The following TCF7L2 variants were observed in gnomAD, a reference collection of about 807,000 sequenced individuals.
TCF7L2 encodes the protein transcription factor 7 like 2.
In TCF7L2, 23 loss-of-function variants were observed where a neutral mutation model predicts 77.9. The ratio of observed to expected loss-of-function variants is 0.30; its 90% CI spans 0.21 to 0.42. The LOEUF (loss-of-function observed/expected upper bound fraction) is 0.42, where lower values mean the gene tolerates loss of function less well. TCF7L2 is among the 10% of genes least tolerant of loss of function. TCF7L2 has a pLI of 1.00. For missense variants in TCF7L2, 654 were observed against 793.1 expected (o/e 0.82, Z 2.11); for synonymous variants, 413 against 340.2 (o/e 1.21, Z -2.36).
intron 8 of TCF7L2, among the ~76,000 whole-genome samples, chr10:113,150,796 A>G (rs1281598185): frequency 1.3e-5 from 2 of 152,206 alleles, no homozygotes; most frequent in Non-Finnish European, 1.5e-5. Context: ...GTCAGTAGCA[A>G]TAATGAATTG....
At chr10:113,120,025 G>T (rs561941275) in intron 5 of TCF7L2, among the ~76,000 whole-genome samples, 1 of 152,292 alleles carries the variant, frequency 6.6e-6, no homozygotes, top group South Asian at 2.1e-4. Flanking sequence ...CTAACACAAT[G>T]AATATTTTCT....
intron 5 of TCF7L2, among the ~76,000 whole-genome samples, chr10:113,058,090 G>A (rs2055708436): frequency 6.6e-6 from 1 of 152,290 alleles, no homozygotes; most frequent in Admixed American, 6.5e-5. Context: ...AGGTTCATTA[G>A]GGCCTTTAAA....
At chr10:113,012,651 G>A (rs1220850472) in intron 4 of TCF7L2, among the ~76,000 whole-genome samples, 1 of 152,132 alleles carries the variant, frequency 6.6e-6, no homozygotes, top group African/African-American at 2.4e-5. Context: ...CTGCAGGAAG[G>A]CCTTTAACTT....
intron 5 of TCF7L2, among the ~76,000 whole-genome samples, chr10:113,064,597 C>T (rs77941071): frequency 6.6e-6 from 1 of 152,226 alleles, no homozygotes; most frequent in Non-Finnish European, 1.5e-5. Flanking sequence ...TACTGTTCAT[C>T]AGCTTTTCCC....
intron 4 of TCF7L2, among the ~76,000 whole-genome samples, chr10:112,969,515 G>A (rs1025381127): frequency 1.3e-5 from 2 of 152,232 alleles, no homozygotes; most frequent in Non-Finnish European, 2.9e-5. Flanking sequence ...TAGACTTGGA[G>A]GGGCATGGGG....
chr10:113,077,793 A>G (rs540081425), intron 5 of TCF7L2, among the ~76,000 whole-genome samples: 1 of 147,312 alleles, frequency 6.8e-6, no homozygotes, highest in Admixed American at 6.9e-5. Flanking sequence ...TCTGCCTCCC[A>G]GGTTCAGGCG....
chr10:112,964,822 T>TGATGGTGGTGGTGGTGA (rs1554875168), intron 4 of TCF7L2, among the ~76,000 whole-genome samples, 198 bp downstream of exon 4: 1 of 73,562 alleles, frequency 1.4e-5, no homozygotes, highest in African/African-American at 5.5e-5. Flanking sequence ...TGGGGGGGGG[T>TGATGGTGGTGGTGGTGA]TGAATCACTG....
At chr10:113,127,506 A>T (rs1357573768) in intron 5 of TCF7L2, among the ~76,000 whole-genome samples, 2 of 152,150 alleles carry the variant, frequency 1.3e-5, no homozygotes, top group Non-Finnish European at 2.9e-5. Context: ...TTCCTCCTGC[A>T]CATGATTGTA....
chr10:112,957,980 C>G (rs2134384053), intron 3 of TCF7L2, among the ~76,000 whole-genome samples: 1 of 152,266 alleles, frequency 6.6e-6, no homozygotes, highest in Non-Finnish European at 1.5e-5. Context: ...TCCATCCAAC[C>G]CAAACTTAAA....
intron 5 of TCF7L2, among the ~76,000 whole-genome samples, chr10:113,046,933 G>A (rs926624073): frequency 2.0e-5 from 3 of 151,932 alleles, no homozygotes; most frequent in Non-Finnish European, 4.4e-5. Flanking sequence ...TATTTCCAAC[G>A]TTCTGTTTAT....
chr10:113,117,409 CT>C (rs58002825), intron 5 of TCF7L2, among the ~76,000 whole-genome samples: 1 of 45,544 alleles, frequency 2.2e-5, no homozygotes, highest in East Asian at 3.4e-4. Flanking sequence ...CTCTCTCTCT[CT>C]CTCTCTCTCT....
intron 1 of TCF7L2, 123 bp from the exon 2 acceptor site, chr10:112,951,083 CA>C: frequency 7.6e-7 from 1 of 1,321,520 alleles, no homozygotes; most frequent in Non-Finnish European, 1.0e-6. Context: ...GCCACCATTG[CA>C]AAAACTTGTA....
At chr10:112,964,813 G>GGTGGTGGTGATGGT (rs1564719445) in intron 4 of TCF7L2, among the ~76,000 whole-genome samples, 189 bp downstream of exon 4, 1 of 98,410 alleles carries the variant, frequency 1.0e-5, no homozygotes, top group Non-Finnish European at 1.8e-5. Flanking sequence ...TGGTGGTGGT[G>GGTGGTGGTGATGGT]GGGGGGGGTT....
In TCF7L2 at chr10:112,964,739, A is replaced by ATGATGATGGTGG. The variant is rs1227924366; in HGVS notation, c.450+117_450+118insATGATGGTGGTG. ...AATGATGATGATGATGATGATGATG[A>ATGATGATGGTGG]TGGTGGTGGTGGTGGTGGTGATGGT... On this transcript the variant is annotated intron_variant, in intron 4 of 13. Transcript: ENST00000627217. 3.3e-5 allele frequency: 19 copies of ATGATGATGGTGG among 577,534 alleles called. No individual in the cohort carries two copies. The African/African-American group carries it at 4.5e-4, about 14-fold the overall frequency. The allele number at this position is 577,534 out of a possible 1,614,324, so 35.8% of individuals were successfully genotyped here.
At chr10:113,054,018 G>A (rs953599973) in intron 5 of TCF7L2, among the ~76,000 whole-genome samples, 30 of 152,100 alleles carry the variant, frequency 2.0e-4, no homozygotes, top group Non-Finnish European at 5.9e-5. Flanking sequence ...GCAGGTTTCC[G>A]GACACCAGAC....
At chr10:113,024,248 A>G (rs1201999645) in intron 4 of TCF7L2, among the ~76,000 whole-genome samples, 2 of 152,128 alleles carry the variant, frequency 1.3e-5, no homozygotes, top group Non-Finnish European at 2.9e-5. Context: ...CAGTGAGCCA[A>G]GATCATGCCA....
chr10:113,038,805 C>T (rs761283054), intron 4 of TCF7L2, among the ~76,000 whole-genome samples: 2 of 152,120 alleles, frequency 1.3e-5, no homozygotes, highest in Non-Finnish European at 2.9e-5. Context: ...GGCAAAACTC[C>T]CCGAGAGCGG....
rs1005973310 is a variant in TCF7L2, at chr10:113,144,088, CTGTGTGTGTGTCTG to C, written c.788+75_788+88del. 12 of 1,262,002 alleles carry C rather than the reference CTGTGTGTGTGTCTG, an allele frequency of 9.5e-6. No individual in the cohort carries two copies. The African/African-American group carries it at 1.4e-4, about 15-fold the overall frequency. The allele number at this position is 1,262,002 out of a possible 1,614,324, so 78.2% of individuals were successfully genotyped here. ...TACATGGGCATGTTTATTATTTATT[CTGTGTGTGTGTCTG>C]TGTGTGTGTGTGTGTGTGTGTGTGT... On this transcript the variant is annotated intron_variant, in intron 7 of 13. Transcript: ENST00000627217.
At chr10:113,128,686 CG>C (rs1047648484) in intron 5 of TCF7L2, among the ~76,000 whole-genome samples, 5 of 152,096 alleles carry the variant, frequency 3.3e-5, no homozygotes, top group African/African-American at 1.2e-4. Flanking sequence ...ACCGGAAAAG[CG>C]TTCTGGATGA....
Sources: gnomAD v4.1 joint callset for allele counts (sites outside exome capture counted in the v4.1 genomes callset) on GRCh38, gnomAD v4.1.1 for gene constraint, MANE v1.5 for transcripts, NCBI Gene and HGNC (gene_info 2026-07-23, HGNC 2026-07-21) for gene names.